The following PRLR variants were observed in gnomAD, a reference collection of about 807,000 sequenced individuals.
PRLR encodes hPRL receptor.
A neutral mutation model predicts 40.2 loss-of-function variants in PRLR; 13 were observed. That is an observed-to-expected ratio of 0.32 (90% CI 0.21 to 0.51). The LOEUF (loss-of-function observed/expected upper bound fraction) is 0.51. Ranked by LOEUF, PRLR falls within the 20% of genes least tolerant of loss-of-function variation. The pLI is 0.97. For missense variants in PRLR, 656 were observed against 747.3 expected (o/e 0.88, Z 1.42); for synonymous variants, 269 against 278.7 (o/e 0.97, Z 0.35).
At chr5:35,083,744 T>TCTTGATCTTA (rs1474631915) in intron 5 of PRLR, among the ~76,000 whole-genome samples, 3 of 151,988 alleles carry the variant, frequency 2.0e-5, no homozygotes, top group Admixed American at 2.0e-4. Context: ...GGTCTTGAAC[T>TCTTGATCTTA]CTTGATCTTA....
At chr5:35,105,134 T>C (rs1772151714) in intron 2 of PRLR, among the ~76,000 whole-genome samples, 1 of 152,096 alleles carries the variant, frequency 6.6e-6, no homozygotes, top group African/African-American at 2.4e-5. Context: ...TCCAGCAAAC[T>C]CCAACAGACC....
At chr5:35,220,570 T>C (rs1013399120) in intron 1 of PRLR, among the ~76,000 whole-genome samples, 1 of 152,192 alleles carries the variant, frequency 6.6e-6, no homozygotes, top group Non-Finnish European at 1.5e-5. Context: ...TTGTTTTTAG[T>C]GTGGATATCT....
At chr5:35,171,730 G>C (rs1775002544) in intron 1 of PRLR, among the ~76,000 whole-genome samples, 1 of 152,102 alleles carries the variant, frequency 6.6e-6, no homozygotes, top group African/African-American at 2.4e-5. Flanking sequence ...GGATGATGGG[G>C]TATGCCTGGG....
Position 35,065,989 on chromosome 5 carries a change from C to A in PRLR, c.969G>T (p.Gln323His). 1 of 1,614,128 alleles carries A rather than the reference C, an allele frequency of 6.2e-7. No individual in the cohort carries two copies. The highest frequency in any genetic ancestry group is 2.2e-5 in the East Asian group (1 of 44,880). ...CTTTTGAATGGACTGACATTAGATG[C>A]TGGTCCTCACTATCATCTACTTCTA... Reference protein sequence around the residue: ...EYLEVDDSEDQHLMSVHSKEH... With the variant: ...EYLEVDDSEDHHLMSVHSKEH... Residue 323 changes from glutamine (Q) to histidine (H), a missense_variant, in exon 10 of 10, where the codon CAG (glutamine) becomes CAT (histidine). This residue lies in a region of PRLR where 469 missense variants were observed against 491.5 expected (regional missense o/e 0.95). Transcript: ENST00000618457.
Position 35,055,727 on chromosome 5 carries a change from C to G in PRLR, c.*9362G>C, listed in dbSNP as rs764755106. On this transcript the variant is annotated 3_prime_UTR_variant, in exon 10 of 10. Coordinates refer to ENST00000618457, the MANE Select transcript of PRLR (RefSeq NM_000949.7). ...TTGCTCAGGTAATAATTTATTAAGT[C>G]AATTTAAACTAAACATTACTACCAT... 6.6e-6 allele frequency: 1 copy of G among 152,048 alleles called. No homozygotes were observed. The highest frequency in any genetic ancestry group is 2.4e-5 in the African/African-American group (1 of 41,386). 9.4% of individuals were successfully genotyped at this position (152,048 alleles called of 1,614,324 possible).
At chr5:35,106,013 C>T (rs1435066142) in intron 2 of PRLR, among the ~76,000 whole-genome samples, 9 of 152,242 alleles carry the variant, frequency 5.9e-5, no homozygotes, top group African/African-American at 2.2e-4. Context: ...GCCCATCAGA[C>T]TAACAGTGGA....
intron 2 of PRLR, among the ~76,000 whole-genome samples, chr5:35,105,893 T>G (rs1237805650): frequency 2.0e-5 from 3 of 152,104 alleles, no homozygotes; most frequent in Non-Finnish European, 4.4e-5. Context: ...AAGATACTCC[T>G]CGAGAAGAGC....
chr5:35,174,396 G>A (rs181876103), intron 1 of PRLR, among the ~76,000 whole-genome samples: 1 of 152,194 alleles, frequency 6.6e-6, no homozygotes, highest in Non-Finnish European at 1.5e-5. Flanking sequence ...GGACACTTTG[G>A]GTTTTTTTCT....
At chr5:35,190,240 T>C (rs1775564288) in intron 1 of PRLR, among the ~76,000 whole-genome samples, 1 of 152,198 alleles carries the variant, frequency 6.6e-6, no homozygotes, top group African/African-American at 2.4e-5. Flanking sequence ...GATTAAGTTC[T>C]TCCCCAATGC....
rs145279372 is a variant in PRLR, at chr5:35,183,413, A to G, written c.-106+46855T>C. On this transcript the variant is annotated intron_variant, in intron 1 of 9. Transcript: ENST00000618457. ...CCAATGGACACCCAGTGAGTTGCCA[A>G]TGTCTCTTGTCAAAGGTATTAAGAC... 4.2e-3 allele frequency among the ~76,000 whole-genome samples: 641 copies of G among 152,258 alleles called. 3 individuals are homozygous for G. Among genetic ancestry groups the G allele is most frequent in the African/African-American group, 0.014 (599 of 41,534 alleles).
intron 1 of PRLR, among the ~76,000 whole-genome samples, chr5:35,200,378 G>T (rs1775847409): frequency 6.6e-6 from 1 of 152,172 alleles, no homozygotes. Flanking sequence ...AAAGTTGCTA[G>T]TCACTCTCAG....
intron 1 of PRLR, among the ~76,000 whole-genome samples, chr5:35,172,792 C>T (rs752466996): frequency 3.9e-5 from 6 of 152,032 alleles, no homozygotes; most frequent in Non-Finnish European, 5.9e-5. Context: ...TTTTTACTGC[C>T]GATGTACTTT....
chr5:35,167,006 T>A (rs1342316717), intron 1 of PRLR, among the ~76,000 whole-genome samples: 1 of 152,134 alleles, frequency 6.6e-6, no homozygotes. Context: ...CATTCAAGAA[T>A]GGCTATGATG....
At chr5:35,181,448 T>A (rs966457557) in intron 1 of PRLR, among the ~76,000 whole-genome samples, 1 of 152,206 alleles carries the variant, frequency 6.6e-6, no homozygotes, top group Non-Finnish European at 1.5e-5. Flanking sequence ...TTGAATTATA[T>A]CATGTGTCCA....
At chr5:35,157,173 T>C (rs1278219296) in intron 1 of PRLR, among the ~76,000 whole-genome samples, 1 of 152,094 alleles carries the variant, frequency 6.6e-6, no homozygotes, top group African/African-American at 2.4e-5. Context: ...GCTATTCTTT[T>C]CCTGCAGGCA....
chr5:35,156,147 A>AAAC (rs1561338352), intron 1 of PRLR, among the ~76,000 whole-genome samples: 1 of 151,574 alleles, frequency 6.6e-6, no homozygotes, highest in African/African-American at 2.4e-5. Context: ...AAACAAAAAA[A>AAAC]AAAACAAAAC....
At chr5:35,109,339 A>AT (rs1364612310) in intron 2 of PRLR, among the ~76,000 whole-genome samples, 1 of 152,206 alleles carries the variant, frequency 6.6e-6, no homozygotes, top group Non-Finnish European at 1.5e-5. Flanking sequence ...ACCAAAAGCA[A>AT]CGGCAACAAA....
At chr5:35,166,754 T>A (rs1774845365) in intron 1 of PRLR, among the ~76,000 whole-genome samples, 1 of 152,128 alleles carries the variant, frequency 6.6e-6, no homozygotes, top group Non-Finnish European at 1.5e-5. Context: ...GGCACACATA[T>A]AATGGCCACA....
chr5:35,102,008 T>G (rs1461830907), intron 2 of PRLR, among the ~76,000 whole-genome samples: 3 of 151,882 alleles, frequency 2.0e-5, no homozygotes, highest in African/African-American at 7.3e-5. Flanking sequence ...TTTTGTTTTT[T>G]TAGTAGAGAC....
Sources: allele counts gnomAD v4.1 joint callset (sites outside exome capture counted in the v4.1 genomes callset), GRCh38; gene constraint gnomAD v4.1.1; regional missense constraint gnomAD v4.1.1; transcripts MANE v1.5; gene names NCBI Gene and HGNC (gene_info 2026-07-23, HGNC 2026-07-21).